Variants in AKAP6 observed in about 807,000 individuals in gnomAD.
The protein encoded by AKAP6 is A-kinase anchoring protein 6, also known as A-kinase anchor protein 6.
AKAP6 carries 58 observed loss-of-function variants against 188.5 expected under a neutral mutation model. That is an observed-to-expected ratio of 0.31 (90% CI 0.25 to 0.38). The LOEUF (loss-of-function observed/expected upper bound fraction) is 0.38. AKAP6 is among the 10% of genes least tolerant of loss of function. AKAP6 has a pLI of 1.00. For synonymous variants in AKAP6, 989 were observed against 998.6 expected (o/e 0.99, Z 0.18); for missense variants, 2,710 against 2,740.0 (o/e 0.99, Z 0.24).
In AKAP6 at chr14:32,837,612, T is replaced by G. The variant is rs1269863587; in HGVS notation, c.*7807T>G. On this transcript the variant is annotated 3_prime_UTR_variant, in exon 14 of 14. Coordinates refer to ENST00000280979, the MANE Select transcript of AKAP6 (RefSeq NM_004274.5). ...TGTTTGCTTGCAAATATGTTTCATT[T>G]TAAAGTGTCTTTTTATATAGAAAGC... The G allele has an allele frequency of 6.6e-6, 1 of 152,214 alleles. No individual in the cohort carries two copies. Among genetic ancestry groups the G allele is most frequent in the African/African-American group, 2.4e-5 (1 of 41,462 alleles). The allele number at this position is 152,214 out of a possible 1,614,324, so 9.4% of individuals were successfully genotyped here.
chr14:32,816,403 C>T (rs78403485), intron 12 of AKAP6, among the ~76,000 whole-genome samples: 2,611 of 152,152 alleles, frequency 0.017, 75 homozygotes, highest in African/African-American at 0.06. Flanking sequence ...ACTATGTTTC[C>T]CAGGCTGGTC....
chr14:32,681,887 C>T (rs1389037137), intron 8 of AKAP6, among the ~76,000 whole-genome samples: 3 of 151,980 alleles, frequency 2.0e-5, no homozygotes, highest in African/African-American at 7.3e-5. Flanking sequence ...ACCATGTTGC[C>T]CAGGCTGAAT....
chr14:32,639,555 A>G (rs1887666977), intron 7 of AKAP6, among the ~76,000 whole-genome samples: 1 of 152,178 alleles, frequency 6.6e-6, no homozygotes, highest in African/African-American at 2.4e-5. Flanking sequence ...TGTGGAAACA[A>G]TAGTGAGCAA....
intron 3 of AKAP6, among the ~76,000 whole-genome samples, chr14:32,543,559 C>T (rs941621293): frequency 1.3e-5 from 2 of 152,012 alleles, no homozygotes; most frequent in African/African-American, 4.8e-5. Context: ...TGGATATATA[C>T]CTATTAGTGG....
At chr14:32,449,644 T>C (rs1390452116) in intron 2 of AKAP6, among the ~76,000 whole-genome samples, 1 of 152,132 alleles carries the variant, frequency 6.6e-6, no homozygotes, top group African/African-American at 2.4e-5. Flanking sequence ...AAAGAGGCCC[T>C]GCCAATCAAC....
intron 1 of AKAP6, among the ~76,000 whole-genome samples, chr14:32,410,487 A>G (rs1889445596): frequency 6.6e-6 from 1 of 152,170 alleles, no homozygotes; most frequent in South Asian, 2.1e-4. Flanking sequence ...CCCAAAATGT[A>G]TAAAACCAGG....
At chr14:32,423,590 G>A (rs1166948896) in intron 1 of AKAP6, among the ~76,000 whole-genome samples, 1 of 152,062 alleles carries the variant, frequency 6.6e-6, no homozygotes, top group Non-Finnish European at 1.5e-5. Context: ...AACTAATTCA[G>A]ACTTCAGAAT....
intron 12 of AKAP6, among the ~76,000 whole-genome samples, chr14:32,799,988 C>T (rs954220423): frequency 3.3e-5 from 5 of 149,882 alleles, no homozygotes; most frequent in African/African-American, 1.2e-4. Context: ...GGTGGGCGGA[C>T]TGCTTGAGCC....
intron 5 of AKAP6, among the ~76,000 whole-genome samples, chr14:32,588,424 C>G (rs1885344185): frequency 6.6e-6 from 1 of 152,200 alleles, no homozygotes; most frequent in Non-Finnish European, 1.5e-5. Flanking sequence ...AGAGTTTCCT[C>G]CTTGTCCCAT....
chr14:32,665,105 C>T (rs1888867998), intron 7 of AKAP6, among the ~76,000 whole-genome samples: 1 of 152,050 alleles, frequency 6.6e-6, no homozygotes, highest in African/African-American at 2.4e-5. Flanking sequence ...ACTTCTGTGA[C>T]CATATTTGGG....
chr14:32,780,059 T>C (rs1486991198), intron 12 of AKAP6, among the ~76,000 whole-genome samples: 4 of 151,864 alleles, frequency 2.6e-5, no homozygotes, highest in East Asian at 1.9e-4. Flanking sequence ...AGGATGTCTT[T>C]AGTCACATGC....
chr14:32,556,175 T>G (rs1883678370), intron 4 of AKAP6, among the ~76,000 whole-genome samples: 1 of 152,170 alleles, frequency 6.6e-6, no homozygotes, highest in African/African-American at 2.4e-5. Context: ...GATAGATCAT[T>G]GTGGTTTTGA....
intron 2 of AKAP6, among the ~76,000 whole-genome samples, chr14:32,450,107 C>A (rs1890890871): frequency 1.3e-5 from 2 of 152,164 alleles, no homozygotes; most frequent in South Asian, 4.1e-4. Flanking sequence ...AGTTGGACAC[C>A]AGGCAATTTA....
chr14:32,761,932 A>T (rs889116593), intron 11 of AKAP6, among the ~76,000 whole-genome samples: 1 of 152,112 alleles, frequency 6.6e-6, no homozygotes, highest in African/African-American at 2.4e-5. Context: ...ATTCCCCAGA[A>T]TTACTTTGAA....
chr14:32,694,286 G>A (rs1198398234), intron 8 of AKAP6, among the ~76,000 whole-genome samples: 2 of 151,746 alleles, frequency 1.3e-5, no homozygotes, highest in African/African-American at 4.8e-5. Flanking sequence ...GTGTGAACCC[G>A]GGAGGCGGAG....
intron 2 of AKAP6, among the ~76,000 whole-genome samples, chr14:32,476,826 C>T (rs1042414619): frequency 6.6e-6 from 1 of 152,176 alleles, no homozygotes; most frequent in Non-Finnish European, 1.5e-5. Context: ...GACCCAGCCT[C>T]CACAGTGGCT....
At position 32,735,776 on chromosome 14, in the gene AKAP6, A is replaced by T. The variant is rs1239942129; in HGVS notation, c.3266A>T (p.Glu1089Val). 6.2e-7 allele frequency: 1 copy of T among 1,613,580 alleles called. No individual in the cohort carries two copies. The highest frequency in any genetic ancestry group is 8.5e-7 in the Non-Finnish European group (1 of 1,179,746). The change falls in exon 11 of 14, where the codon GAA becomes GTA. Residue 1089 changes from glutamate to valine, a missense_variant. Coordinates refer to ENST00000280979, the MANE Select transcript of AKAP6 (RefSeq NM_004274.5). ...AGGCAGCTGGAGGTCAGGATCAAAG[A>T]ACTGAAAGGATGGCTAAGAGATACA... is the stretch of plus-strand genomic sequence containing the variant. ...LVRQLEVRIK[E>V]LKGWLRDTEL...
intron 9 of AKAP6, among the ~76,000 whole-genome samples, chr14:32,725,756 A>G (rs1344153125): frequency 6.6e-6 from 1 of 152,182 alleles, no homozygotes; most frequent in East Asian, 1.9e-4. Context: ...AAAAATATCA[A>G]CCATAAAAAT....
At chr14:32,559,783 CTTTTTTTTTTT>C (rs35914295) in intron 4 of AKAP6, among the ~76,000 whole-genome samples, 3 of 119,100 alleles carry the variant, frequency 2.5e-5, no homozygotes, top group Non-Finnish European at 5.3e-5. Flanking sequence ...TAAGCCTAAT[CTTTTTTTTTTT>C]TTTTTTTTTT....
Sources: allele counts gnomAD v4.1 joint callset (sites outside exome capture counted in the v4.1 genomes callset), GRCh38; gene constraint gnomAD v4.1.1; transcripts MANE v1.5; gene names NCBI Gene and HGNC (gene_info 2026-07-23, HGNC 2026-07-21).